The following GIT2 variants were observed in gnomAD, a reference collection of about 807,000 sequenced individuals.
The protein encoded by GIT2 is ARF GTPase-activating protein GIT2.
GIT2 carries 32 observed loss-of-function variants against 100.3 expected under a neutral mutation model. That is an observed-to-expected ratio of 0.32 (90% CI 0.24 to 0.43). The LOEUF (loss-of-function observed/expected upper bound fraction) is 0.43, where lower values mean the gene tolerates loss of function less well. Among genes scored for constraint, GIT2 ranks in the 20% least tolerant of loss-of-function variants. The pLI, the probability that GIT2 is intolerant of heterozygous loss-of-function variation, is 1.00. For synonymous variants in GIT2, 353 were observed against 364.1 expected, an observed-to-expected ratio of 0.97 and a Z score of 0.35; for missense variants, 737 against 975.1, an observed-to-expected ratio of 0.76 and a Z score of 3.25.
chr12:109,982,364 A>G (rs1886464170), intron 6 of GIT2: 1 of 152,222 alleles, frequency 6.6e-6, no homozygotes, highest in Admixed American at 6.5e-5. Context: ...TTGGCAATGA[A>G]TCCCATATGG....
rs59956597 is a variant in GIT2, at chr12:109,988,848, C to CAAA, written c.405+112_405+114dup. On this transcript the variant is annotated intron_variant, in intron 4 of 19. Transcript: ENST00000355312. Reference sequence around the variant, plus strand: ...CGCCTGGGTAACAGAGACTCTGTCTCAAAAAAAAAAAAAAAAAAAAAAAGC... The same window carrying CAAA: ...CGCCTGGGTAACAGAGACTCTGTCTCAAAAAAAAAAAAAAAAAAAAAAAAAAGC... The CAAA allele has an allele frequency of 1.3e-3, 260 of 204,758 alleles. 1 individual carries two copies. Among genetic ancestry groups the CAAA allele is most frequent in the African/African-American group, 7.9e-3 (133 of 16,890 alleles). 12.7% of individuals were successfully genotyped at this position (204,758 alleles called of 1,614,324 possible). A position where few individuals can be genotyped will look rare whatever the true frequency, so the allele number is the denominator to read the frequency against.
intron 13 of GIT2, among the ~76,000 whole-genome samples, chr12:109,952,243 T>C (rs923853131): frequency 6.6e-6 from 1 of 152,190 alleles, no homozygotes; most frequent in Non-Finnish European, 1.5e-5. Flanking sequence ...CATTCTCAAA[T>C]GATTGCCAAG....
intron 7 of GIT2, among the ~76,000 whole-genome samples, chr12:109,980,228 G>C (rs1886037046): frequency 6.6e-6 from 1 of 151,990 alleles, no homozygotes; most frequent in Admixed American, 6.6e-5. Flanking sequence ...ATGCCTGGCT[G>C]ATTTTTTAAA....
chr12:109,991,021 G>C (rs566950870), intron 2 of GIT2, among the ~76,000 whole-genome samples: 2 of 152,166 alleles, frequency 1.3e-5, no homozygotes, highest in South Asian at 4.2e-4. Flanking sequence ...AGAAAAGATG[G>C]ACTACTGGCC....
At chr12:109,965,391 A>C in intron 9 of GIT2, 135 bp downstream of exon 9, 1 of 613,588 alleles carries the variant, frequency 1.6e-6, no homozygotes. Context: ...TATACTCAAC[A>C]GTCTGCTTCT....
rs1877081574 is a variant in GIT2 at position 109,948,940 on chromosome 12, A to C, written c.1393-1436T>G. 2.5e-6 allele frequency: 2 copies of C among 801,570 alleles called. No homozygotes were observed. The highest frequency in any genetic ancestry group is 3.3e-5 in the South Asian group (2 of 61,494). The allele number at this position is 801,570 out of a possible 1,614,324, so 49.7% of individuals were successfully genotyped here. On this transcript the variant is annotated intron_variant, in intron 14 of 19. Transcript: ENST00000355312. This position sits in a 1 kb window ranked among gnomAD's most constrained non-coding sequence, Gnocchi z 4.3. ...CCCAACTTTGAAATATAATCAATAC[A>C]TCTTTGCTAAATAAACAAATTCCAT... is the stretch of plus-strand genomic sequence containing the variant.
chr12:109,971,100 A>G (rs1404534197), intron 7 of GIT2, among the ~76,000 whole-genome samples: 1 of 152,212 alleles, frequency 6.6e-6, no homozygotes, highest in African/African-American at 2.4e-5. Context: ...TTTGAATTTT[A>G]AAATCAGCAT....
rs748189744 is a variant in GIT2 at position 109,996,180 on chromosome 12, G to A, written c.45C>T (p.Ser15=). The A allele has an allele frequency of 6.6e-7, 1 of 1,522,962 alleles. No homozygotes were observed. 94.3% of individuals were successfully genotyped at this position (1,522,962 alleles called of 1,614,324 possible). A position where few individuals can be genotyped will look rare whatever the true frequency, so the allele number is the denominator to read the frequency against. The change falls in exon 1 of 20, where the codon AGC becomes AGT. Residue 15 remains serine, a synonymous_variant. Coordinates refer to ENST00000355312, the MANE Select transcript of GIT2 (RefSeq NM_057169.5). ...CCGGCCGGTGCGACTCACCCGGCCC[G>A]CTGCAGTCAGCGCACACCTCGCTGC... ...LRSSEVCADC[S]GPDPSWASVN...
chr12:109,998,835 G>A (rs1463803316), upstream of GIT2: 1 of 152,166 alleles, frequency 6.6e-6, no homozygotes, highest in Non-Finnish European at 1.5e-5. Context: ...CTGGCATTGA[G>A]TGGGGAGAAA....
At chr12:109,970,252 G>T (rs1284649914) in intron 7 of GIT2, among the ~76,000 whole-genome samples, 1 of 152,046 alleles carries the variant, frequency 6.6e-6, no homozygotes, top group Non-Finnish European at 1.5e-5. Context: ...CCAGCACTTT[G>T]GGAGGCCGAT....
intron 7 of GIT2, among the ~76,000 whole-genome samples, chr12:109,980,385 ATTTATTTATT>A (rs1886079661): frequency 6.6e-6 from 1 of 151,690 alleles, no homozygotes; most frequent in Non-Finnish European, 1.5e-5. Context: ...TTATTTATTT[ATTTATTTATT>A]TTTATTTATT....
At position 109,957,312 on chromosome 12, in the gene GIT2, C is replaced by A. The variant is rs573904222; in HGVS notation, c.1099+2535G>T. Among the ~76,000 whole-genome samples the A allele has an allele frequency of 3.3e-5, 5 of 152,270 alleles. No individual in the cohort carries two copies. In the South Asian group the frequency reaches 1.0e-3, roughly 32 times the overall value. ...TTCCTCTCTCACCGTGTGATCTCTG[C>A]ACATGTAGCACCCCTTCACCTTCCA... On this transcript the variant is annotated intron_variant, in intron 12 of 19. Transcript: ENST00000355312.
At chr12:109,959,807 G>C (rs1403896192) in intron 12 of GIT2, 40 bp downstream of exon 12, 2 of 1,196,430 alleles carry the variant, frequency 1.7e-6, no homozygotes, top group East Asian at 2.3e-5. Flanking sequence ...CAAATTTAGA[G>C]GGCCAAAAAA....
chr12:109,936,527 G>A (rs748501476), intron 18 of GIT2, among the ~76,000 whole-genome samples: 24 of 152,106 alleles, frequency 1.6e-4, no homozygotes, highest in Non-Finnish European at 2.4e-4. Flanking sequence ...ATGGGGTCAC[G>A]GTGCTCGGGA....
chr12:109,957,880 A>G (rs1273715719), intron 12 of GIT2, among the ~76,000 whole-genome samples: 2 of 152,134 alleles, frequency 1.3e-5, no homozygotes, highest in Non-Finnish European at 2.9e-5. Context: ...CCCTTCAGTT[A>G]ATACCTAAGA....
chr12:109,958,577 G>A (rs1053955909), intron 12 of GIT2, among the ~76,000 whole-genome samples: 1 of 152,046 alleles, frequency 6.6e-6, no homozygotes, highest in African/African-American at 2.4e-5. Flanking sequence ...AAAGACTCTT[G>A]TCACTGTGCC....
intron 7 of GIT2, among the ~76,000 whole-genome samples, chr12:109,976,780 G>A (rs983893031): frequency 6.6e-6 from 1 of 151,700 alleles, no homozygotes; most frequent in Admixed American, 6.6e-5. Flanking sequence ...GTAGAGACAG[G>A]GTTTCACCAT....
At chr12:109,935,526 C>T (rs1246537546) in intron 18 of GIT2, among the ~76,000 whole-genome samples, 2 of 152,144 alleles carry the variant, frequency 1.3e-5, no homozygotes, top group Admixed American at 6.5e-5. Context: ...CTCAGCCTCT[C>T]GAGTAGCTGG....
At chr12:109,946,746 C>T (rs1876455691) in intron 15 of GIT2, among the ~76,000 whole-genome samples, 1 of 152,094 alleles carries the variant, frequency 6.6e-6, no homozygotes, top group Non-Finnish European at 1.5e-5. Context: ...GCTGCGGAAG[C>T]CTGGAGCCTT....
Sources: allele counts gnomAD v4.1 joint callset (sites outside exome capture counted in the v4.1 genomes callset), GRCh38; gene constraint gnomAD v4.1.1; non-coding constraint Gnocchi (gnomAD v3.1); transcripts MANE v1.5; gene names NCBI Gene and HGNC (gene_info 2026-07-23, HGNC 2026-07-21).